The following GABRA5 variants were observed in gnomAD, a reference collection of about 807,000 sequenced individuals.
GABRA5 encodes the protein gamma-aminobutyric acid receptor subunit alpha-5.
GABRA5 carries 18 observed loss-of-function variants against 47.3 expected under a neutral mutation model. The ratio of observed to expected loss-of-function variants is 0.38; its 90% CI spans 0.26 to 0.56. The LOEUF (loss-of-function observed/expected upper bound fraction) is 0.56, where lower values mean the gene tolerates loss of function less well. Ranked by LOEUF, GABRA5 falls within the 20% of genes least tolerant of loss-of-function variation. The pLI is 0.71. For missense variants in GABRA5, 365 were observed against 599.3 expected, an observed-to-expected ratio of 0.61 and a Z score of 4.08; for synonymous variants, 237 against 229.3, an observed-to-expected ratio of 1.03 and a Z score of -0.30.
At position 26,883,531 on chromosome 15, in the gene GABRA5, C is replaced by T. The variant is rs764304732; in HGVS notation, c.471C>T (p.Asp157=). ...CCAACAAGCTGCTGCGGCTGGAGGA[C>T]GACGGCACCCTGCTCTACACCATGC... ...TTPNKLLRLE[D]DGTLLYTMRL... The change falls in exon 6 of 11, where the codon GAC becomes GAT. Residue 157 remains aspartate, a synonymous_variant. Coordinates refer to ENST00000335625, the MANE Select transcript of GABRA5 (RefSeq NM_000810.4). The surrounding 1 kb of genome is among the most constrained non-coding windows in gnomAD (Gnocchi z 4.8). The T allele has an allele frequency of 3.1e-6, 5 of 1,608,954 alleles. No homozygotes were observed. The African/African-American group carries it at 4.0e-5, about 13-fold the overall frequency.
intron 6 of GABRA5, among the ~76,000 whole-genome samples, chr15:26,892,159 T>C (rs971130693): frequency 9.9e-5 from 15 of 152,266 alleles, no homozygotes; most frequent in African/African-American, 3.6e-4. Flanking sequence ...AATCCGGAGT[T>C]TTTGTGGTCT....
At chr15:26,931,904 A>G (rs1329992180) in intron 7 of GABRA5, among the ~76,000 whole-genome samples, 1 of 152,194 alleles carries the variant, frequency 6.6e-6, no homozygotes. Flanking sequence ...GAGTCAAAGT[A>G]GCAGGCAGGA....
intron 6 of GABRA5, among the ~76,000 whole-genome samples, chr15:26,907,552 TCA>T (rs1474042594): frequency 6.6e-6 from 1 of 152,066 alleles, no homozygotes; most frequent in African/African-American, 2.4e-5. Flanking sequence ...ACCAGGACAA[TCA>T]CAATGGCCAG....
At chr15:26,924,305 G>A (rs913723912) in intron 7 of GABRA5, among the ~76,000 whole-genome samples, 2 of 151,898 alleles carry the variant, frequency 1.3e-5, no homozygotes, top group African/African-American at 2.4e-5. Flanking sequence ...AGTGTGTACA[G>A]GACTTCCAGA....
intron 3 of GABRA5, among the ~76,000 whole-genome samples, chr15:26,875,817 C>T (rs1306371360): frequency 6.6e-6 from 1 of 151,912 alleles, no homozygotes; most frequent in Non-Finnish European, 1.5e-5. Context: ...GCAGAGAGGG[C>T]CACTGAGTGG....
chr15:26,918,972 C>G (rs559334497), intron 7 of GABRA5, among the ~76,000 whole-genome samples: 1 of 151,620 alleles, frequency 6.6e-6, no homozygotes, highest in South Asian at 2.1e-4. Flanking sequence ...AACACCATCT[C>G]TACAAAAAAC....
Position 26,883,035 on chromosome 15 carries a change from A to G in GABRA5, c.209-131A>G, listed in dbSNP as rs540283435. 4.4e-4 allele frequency: 333 copies of G among 757,296 alleles called. No homozygotes were observed. Among genetic ancestry groups the G allele is most frequent in the Non-Finnish European group, 6.4e-4 (265 of 416,114 alleles). 46.9% of individuals were successfully genotyped at this position (757,296 alleles called of 1,614,324 possible). On this transcript the variant is annotated intron_variant, in intron 4 of 10. Coordinates refer to ENST00000335625, the MANE Select transcript of GABRA5 (RefSeq NM_000810.4). This position sits in a 1 kb window ranked among gnomAD's most constrained non-coding sequence, Gnocchi z 4.8. ...TCATCTGGTAATTGTCAAGTCCTCC[A>G]AATTTACCAAACGCACTGCAAAAGC... is the stretch of plus-strand genomic sequence containing the variant.
chr15:26,907,737 C>T (rs954825221), intron 6 of GABRA5, among the ~76,000 whole-genome samples: 3 of 152,206 alleles, frequency 2.0e-5, no homozygotes, highest in African/African-American at 7.2e-5. Flanking sequence ...TCCTGACTTA[C>T]CAACGTTTCT....
intron 6 of GABRA5, among the ~76,000 whole-genome samples, chr15:26,905,896 T>C (rs113258923): frequency 0.062 from 9,428 of 152,110 alleles, 963 homozygotes; most frequent in African/African-American, 0.22. Context: ...CCAGGTTTCC[T>C]TTATTTTCTT....
At chr15:26,893,129 C>T (rs374725395) in intron 6 of GABRA5, among the ~76,000 whole-genome samples, 2,413 of 118,208 alleles carry the variant, frequency 0.02, 71 homozygotes, top group African/African-American at 0.073. Context: ...GTGTGTATGG[C>T]GTGTTTCTAA....
At chr15:26,938,523 A>G (rs1487082611) in intron 8 of GABRA5, among the ~76,000 whole-genome samples, 1 of 152,246 alleles carries the variant, frequency 6.6e-6, no homozygotes, top group Non-Finnish European at 1.5e-5. Flanking sequence ...AAATGAAAAG[A>G]ACTACCGCCA....
At chr15:26,927,355 A>C (rs911133398) in intron 7 of GABRA5, among the ~76,000 whole-genome samples, 2 of 150,638 alleles carry the variant, frequency 1.3e-5, no homozygotes, top group Non-Finnish European at 3.0e-5. Context: ...CTCGTGATCC[A>C]CCCACCTCGG....
chr15:26,888,052 G>T (rs539092774), intron 6 of GABRA5, among the ~76,000 whole-genome samples: 1 of 152,132 alleles, frequency 6.6e-6, no homozygotes, highest in Non-Finnish European at 1.5e-5. Context: ...ACACACAATT[G>T]AGTGAGCTGG....
chr15:26,941,208 A>G (rs1894376222), intron 9 of GABRA5, among the ~76,000 whole-genome samples: 1 of 152,126 alleles, frequency 6.6e-6, no homozygotes, highest in Admixed American at 6.5e-5. Context: ...GTGGCCAGGC[A>G]GTGCTCCCCA....
rs370009430 is a variant in GABRA5 at position 26,898,724 on chromosome 15, C to T, written c.497+15167C>T. Among the ~76,000 whole-genome samples the T allele has an allele frequency of 8.4e-4, 113 of 134,948 alleles. 1 individual carries two copies. Among genetic ancestry groups the T allele is most frequent in the African/African-American group, 3.0e-3 (100 of 33,550 alleles). The allele number at this position is 134,948 out of a possible 152,430, so 88.5% of individuals were successfully genotyped here. ...TTTTTTCAGTTATCTTTGGGCTTAG[C>T]GTGCTCTTTTTTTTTTTTTTCTAAT... On this transcript the variant is annotated intron_variant, in intron 6 of 10. Transcript: ENST00000335625.
intron 7 of GABRA5, among the ~76,000 whole-genome samples, chr15:26,920,719 C>T (rs1334010134): frequency 9.9e-5 from 15 of 152,132 alleles, no homozygotes; most frequent in Non-Finnish European, 2.2e-4. Flanking sequence ...TGGCATTGTA[C>T]AGGGAAAGAC....
chr15:26,903,608 C>T (rs890544047), intron 6 of GABRA5, among the ~76,000 whole-genome samples: 1 of 152,164 alleles, frequency 6.6e-6, no homozygotes, highest in East Asian at 1.9e-4. Context: ...CACAACCTCA[C>T]CAGCATCTGT....
rs182351560 is a variant in GABRA5, at chr15:26,930,137, C to T, written c.581-7048C>T. 3.7e-3 allele frequency among the ~76,000 whole-genome samples: 555 copies of T among 151,726 alleles called. 6 individuals carry two copies. The highest frequency in any genetic ancestry group is 0.012 in the African/African-American group (515 of 41,352). On this transcript the variant is annotated intron_variant, in intron 7 of 10. Coordinates refer to ENST00000335625, the MANE Select transcript of GABRA5 (RefSeq NM_000810.4). ...AAGCGATTCTCCTGCTTCAGCCTCC[C>T]GAGTAGCTGGGATTACAGGTGCCCG...
chr15:26,890,143 TG>T, intron 6 of GABRA5, among the ~76,000 whole-genome samples: 1 of 152,358 alleles, frequency 6.6e-6, no homozygotes, highest in East Asian at 1.9e-4. Flanking sequence ...GATAACATTC[TG>T]GTCCAAGCAC....
Sources: allele counts gnomAD v4.1 joint callset (sites outside exome capture counted in the v4.1 genomes callset), GRCh38; gene constraint gnomAD v4.1.1; non-coding constraint Gnocchi (gnomAD v3.1); transcripts MANE v1.5; gene names NCBI Gene and HGNC (gene_info 2026-07-23, HGNC 2026-07-21).